Variants in CTNNBL1 observed in about 807,000 individuals in gnomAD.
CTNNBL1 encodes beta-catenin-like protein 1.
CTNNBL1 carries 31 observed loss-of-function variants against 72.7 expected under a neutral mutation model. The observed-to-expected ratio is 0.43, with a 90% CI of 0.32 to 0.58. CTNNBL1 has a LOEUF of 0.58. CTNNBL1 is among the 20% of genes least tolerant of loss of function. The pLI is 0.08. For synonymous variants in CTNNBL1, 240 were observed against 267.3 expected (o/e 0.90, Z 1.00); for missense variants, 534 against 725.1 (o/e 0.74, Z 3.03).
chr20:37,769,080 A>G (rs1392864787), intron 7 of CTNNBL1, among the ~76,000 whole-genome samples: 2 of 152,194 alleles, frequency 1.3e-5, no homozygotes, highest in East Asian at 3.8e-4. Flanking sequence ...TGCCTGGCCT[A>G]TAAATTAAAC....
chr20:37,790,303 T>C lies in CTNNBL1; in HGVS notation c.1031+10968T>C, dbSNP rs150363254. Among the ~76,000 whole-genome samples, 490 of 152,316 alleles carry C rather than the reference T, an allele frequency of 3.2e-3. 7 individuals carry two copies. Among genetic ancestry groups the C allele is most frequent in the African/African-American group, 0.011 (441 of 41,568 alleles). On this transcript the variant is annotated intron_variant, in intron 10 of 15. Transcript: ENST00000361383. ...AATGAACATCGGAAGGTCCAAACAA[T>C]ATGGCATTTTATTCTTGTCATCCTT... is the stretch of plus-strand genomic sequence containing the variant.
In CTNNBL1 at chr20:37,797,575, G is replaced by A. The variant is rs183501185; in HGVS notation, c.1032-5292G>A. Among the ~76,000 whole-genome samples, 5 of 151,942 alleles carry A rather than the reference G, an allele frequency of 3.3e-5. No individual in the cohort carries two copies. In the East Asian group the frequency reaches 9.7e-4, roughly 29 times the overall value. ...TTCCCTATTGGTGACTTCATTATTG[G>A]GCTTCAGACATAAAAGTTCAAGCTG... On this transcript the variant is annotated intron_variant, in intron 10 of 15. Transcript: ENST00000361383.
chr20:37,816,234 C>G (rs912545726), intron 11 of CTNNBL1, among the ~76,000 whole-genome samples: 1 of 152,170 alleles, frequency 6.6e-6, no homozygotes. Flanking sequence ...CTTTTAGGAG[C>G]AGTCTATTAA....
intron 13 of CTNNBL1, among the ~76,000 whole-genome samples, chr20:37,851,239 G>A (rs948653571): frequency 3.3e-5 from 5 of 152,178 alleles, no homozygotes; most frequent in South Asian, 2.1e-4. Flanking sequence ...TGCACCATTC[G>A]CTGAATTACC....
intron 7 of CTNNBL1, among the ~76,000 whole-genome samples, chr20:37,777,074 T>C (rs1039643143): frequency 6.6e-6 from 1 of 152,218 alleles, no homozygotes; most frequent in African/African-American, 2.4e-5. Context: ...ATATAATCTC[T>C]GGACTCAAAA....
intron 11 of CTNNBL1, among the ~76,000 whole-genome samples, chr20:37,836,438 A>C (rs2072255033): frequency 2.0e-5 from 3 of 151,974 alleles, no homozygotes; most frequent in Non-Finnish European, 4.4e-5. Context: ...TTTTGCATAT[A>C]TTGTTCCTTC....
chr20:37,824,773 A>G (rs1369361953), intron 11 of CTNNBL1, among the ~76,000 whole-genome samples: 1 of 152,198 alleles, frequency 6.6e-6, no homozygotes, highest in African/African-American at 2.4e-5. Context: ...CCAAGCACCT[A>G]TAAAAGTGCC....
chr20:37,755,465 A>G (rs2073355811), intron 4 of CTNNBL1, among the ~76,000 whole-genome samples: 1 of 152,238 alleles, frequency 6.6e-6, no homozygotes, highest in South Asian at 2.1e-4. Context: ...GCTAAGCATG[A>G]AGGACTTTTG....
At chr20:37,792,947 C>T (rs2073738543) in intron 10 of CTNNBL1, among the ~76,000 whole-genome samples, 1 of 152,146 alleles carries the variant, frequency 6.6e-6, no homozygotes, top group African/African-American at 2.4e-5. Context: ...TGGGAATTTT[C>T]TGAGTATCTT....
At chr20:37,804,162 A>G (rs1600498268) in intron 11 of CTNNBL1, among the ~76,000 whole-genome samples, 1 of 152,138 alleles carries the variant, frequency 6.6e-6, no homozygotes, top group Non-Finnish European at 1.5e-5. Flanking sequence ...ACAAGTAGAG[A>G]CTTCAGTTTA....
intron 3 of CTNNBL1, among the ~76,000 whole-genome samples, chr20:37,743,447 A>T (rs1234820212): frequency 1.3e-5 from 2 of 152,084 alleles, no homozygotes; most frequent in African/African-American, 2.4e-5. Context: ...GAAGCCTTTT[A>T]AAAAAAAGGT....
chr20:37,812,394 G>A (rs1416093487), intron 11 of CTNNBL1, among the ~76,000 whole-genome samples: 1 of 152,200 alleles, frequency 6.6e-6, no homozygotes, highest in African/African-American at 2.4e-5. Context: ...GACTTTATAT[G>A]TGGATAGGCT....
chr20:37,829,533 A>G (rs2072189621), intron 11 of CTNNBL1, among the ~76,000 whole-genome samples: 1 of 152,106 alleles, frequency 6.6e-6, no homozygotes, highest in African/African-American at 2.4e-5. Context: ...TTTATCTCTG[A>G]TCTGCACCCC....
rs931610510 is a variant in CTNNBL1 at position 37,746,354 on chromosome 20, T to C, written c.327-114T>C. ...ATGTTTGGATGAGTGTACTTCTTGG[T>C]TGGTCTGTTGTAGACACTTTGACAG... On this transcript the variant is annotated intron_variant, in intron 3 of 15. Coordinates refer to ENST00000361383, the MANE Select transcript of CTNNBL1 (RefSeq NM_030877.5). The C allele has an allele frequency of 1.1e-5, 12 of 1,052,652 alleles. No individual in the cohort carries two copies. The African/African-American group carries it at 1.4e-4, about 12-fold the overall frequency. The allele number at this position is 1,052,652 out of a possible 1,614,324, so 65.2% of individuals were successfully genotyped here. A position where few individuals can be genotyped will look rare whatever the true frequency, so the allele number is the denominator to read the frequency against.
chr20:37,841,258 T>C (rs546904183), intron 12 of CTNNBL1, among the ~76,000 whole-genome samples: 8 of 152,282 alleles, frequency 5.3e-5, no homozygotes, highest in Admixed American at 2.0e-4. Context: ...TTTTCTACCC[T>C]CACCAGGAGT....
At chr20:37,708,524 C>T (rs112989871) in intron 1 of CTNNBL1, among the ~76,000 whole-genome samples, 1 of 152,108 alleles carries the variant, frequency 6.6e-6, no homozygotes, top group African/African-American at 2.4e-5. Flanking sequence ...GTAAAAAGCA[C>T]AGTATCTGCA....
rs557948647 is a variant in CTNNBL1 at position 37,709,060 on chromosome 20, C to T, written c.30+14908C>T. 2.6e-5 allele frequency among the ~76,000 whole-genome samples: 4 copies of T among 152,172 alleles called. No individual in the cohort carries two copies. The East Asian group carries it at 7.7e-4, about 29-fold the overall frequency. On this transcript the variant is annotated intron_variant, in intron 1 of 15. Transcript: ENST00000361383. ...GCTGAGACAGGAGAATTGCTTGAAC[C>T]TGGGAGGTGGAGGGTGCAGTGAGCC...
At chr20:37,704,164 T>C (rs569198433) in intron 1 of CTNNBL1, among the ~76,000 whole-genome samples, 1 of 152,250 alleles carries the variant, frequency 6.6e-6, no homozygotes, top group South Asian at 2.1e-4. Context: ...GATATGAAAA[T>C]GATTAACTCA....
At chr20:37,831,852 T>C (rs1265833157) in intron 11 of CTNNBL1, among the ~76,000 whole-genome samples, 1 of 152,226 alleles carries the variant, frequency 6.6e-6, no homozygotes, top group Non-Finnish European at 1.5e-5. Context: ...ATTATGAAAC[T>C]CTAGAAGGAG....
Sources: allele counts gnomAD v4.1 joint callset (sites outside exome capture counted in the v4.1 genomes callset), GRCh38; gene constraint gnomAD v4.1.1; transcripts MANE v1.5; gene names NCBI Gene and HGNC (gene_info 2026-07-23, HGNC 2026-07-21).